Variants in NELL2 observed in about 807,000 individuals in gnomAD.
The protein encoded by NELL2 is protein kinase C-binding protein NELL2.
NELL2 carries 41 observed loss-of-function variants against 109.6 expected under a neutral mutation model. That is an observed-to-expected ratio of 0.37 (90% CI 0.29 to 0.49). The LOEUF (loss-of-function observed/expected upper bound fraction) is 0.49, where lower values mean the gene tolerates loss of function less well. Ranked by LOEUF, NELL2 falls within the 20% of genes least tolerant of loss-of-function variation. NELL2 has a pLI of 0.98. For missense variants in NELL2, 900 were observed against 1,008.3 expected (o/e 0.89, Z 1.45); for synonymous variants, 355 against 344.7 (o/e 1.03, Z -0.33).
intron 11 of NELL2, among the ~76,000 whole-genome samples, chr12:44,710,022 C>T (rs1362921031): frequency 6.6e-6 from 1 of 152,150 alleles, no homozygotes; most frequent in African/African-American, 2.4e-5. Flanking sequence ...CCTGAAAGCT[C>T]CTCGAAAGGC....
At chr12:44,534,068 T>A (rs1396955190) in intron 15 of NELL2, among the ~76,000 whole-genome samples, 2 of 152,108 alleles carry the variant, frequency 1.3e-5, no homozygotes, top group African/African-American at 4.8e-5. Flanking sequence ...CTACTTCAGT[T>A]GACAGAATCT....
At position 44,508,952 on chromosome 12, in the gene NELL2, C is replaced by G. The variant is rs775736399; in HGVS notation, c.2433G>C (p.Gln811His). ...NGHICCSVDP[Q>H]CLQEL ...GTTAACTTCACAGTTCCTGAAGGCA[C>G]TGTGGATCCACTGAGCAACAGATGT... The change falls in exon 20 of 20, where the codon CAG becomes CAC. Residue 811 changes from glutamine (Q) to histidine (H), a missense_variant. Gln to His is a conservative substitution (Grantham distance 24, BLOSUM62 0). Transcript: ENST00000429094. 6.2e-7 allele frequency: 1 copy of G among 1,612,878 alleles called. No homozygotes were observed.
At chr12:44,530,780 C>T (rs1942015896) in intron 16 of NELL2, among the ~76,000 whole-genome samples, 1 of 152,122 alleles carries the variant, frequency 6.6e-6, no homozygotes, top group Admixed American at 6.5e-5. Context: ...CCCCCCATTA[C>T]CACTACCACC....
At chr12:44,880,961 A>C (rs1247806725), upstream of NELL2, 1 of 151,988 alleles carries the variant, frequency 6.6e-6, no homozygotes, top group African/African-American at 2.4e-5. Flanking sequence ...CACTGCACTC[A>C]GACCAGCCAG....
chr12:44,528,112 A>AAAAAAAAAAAAAAAAAAAAAC (rs1941884712), intron 16 of NELL2, among the ~76,000 whole-genome samples: 1 of 148,924 alleles, frequency 6.7e-6, no homozygotes, highest in African/African-American at 2.5e-5. Flanking sequence ...AAAAAAAAAA[A>AAAAAAAAAAAAAAAAAAAAAC]AAAAAAAAAA....
chr12:44,721,589 C>T (rs1242572957), intron 9 of NELL2, among the ~76,000 whole-genome samples: 1 of 152,008 alleles, frequency 6.6e-6, no homozygotes, highest in Non-Finnish European at 1.5e-5. Flanking sequence ...AATACAGGAA[C>T]ATCGTCTTTG....
At chr12:44,784,698 C>T (rs1227719615) in intron 3 of NELL2, among the ~76,000 whole-genome samples, 1 of 152,168 alleles carries the variant, frequency 6.6e-6, no homozygotes, top group Non-Finnish European at 1.5e-5. Context: ...AAGTCGGCTT[C>T]ATCCCTGCGA....
chr12:44,686,801 G>A (rs537143163), intron 12 of NELL2, among the ~76,000 whole-genome samples: 48 of 152,274 alleles, frequency 3.2e-4, no homozygotes, highest in Admixed American at 9.8e-4. Context: ...TGCTGGGAGC[G>A]CCACTGCTCT....
intron 13 of NELL2, among the ~76,000 whole-genome samples, chr12:44,638,468 C>T (rs1946729775): frequency 6.6e-6 from 1 of 152,088 alleles, no homozygotes; most frequent in Admixed American, 6.6e-5. Flanking sequence ...ATAAAATGCA[C>T]AACACATAAT....
At position 44,725,742 on chromosome 12, in the gene NELL2, C is replaced by T. The variant is rs11182621; in HGVS notation, c.995-11001G>A. Among the ~76,000 whole-genome samples the T allele has an allele frequency of 7.9e-5, 12 of 152,104 alleles. No individual in the cohort carries two copies. In the South Asian group the frequency reaches 1.0e-3, roughly 13 times the overall value. ...GAGGCTCTTATCCTTAGCAAACTAACGCAGGAACAGAAAACCAAATACCAC... is the reference window on the plus strand; with the variant it reads ...GAGGCTCTTATCCTTAGCAAACTAATGCAGGAACAGAAAACCAAATACCAC... On this transcript the variant is annotated intron_variant, in intron 9 of 19. Coordinates refer to ENST00000429094, the MANE Select transcript of NELL2 (RefSeq NM_001145108.2).
Position 44,717,926 on chromosome 12 carries a change from G to A in NELL2, c.995-3185C>T, listed in dbSNP as rs370686225. 1.5e-4 allele frequency among the ~76,000 whole-genome samples: 23 copies of A among 152,292 alleles called. No individual in the cohort carries two copies. In the South Asian group the frequency reaches 4.6e-3, roughly 30 times the overall value. On this transcript the variant is annotated intron_variant, in intron 9 of 19. Coordinates refer to ENST00000429094, the MANE Select transcript of NELL2 (RefSeq NM_001145108.2). Reference sequence around the variant, plus strand: ...CCTGGGGGACAGAGGACAAAGAATGGAAATGGGAGTGTTGGGTGCCCAGGA... The same window carrying A: ...CCTGGGGGACAGAGGACAAAGAATGAAAATGGGAGTGTTGGGTGCCCAGGA...
intron 13 of NELL2, among the ~76,000 whole-genome samples, chr12:44,645,674 C>A (rs1947068495): frequency 6.6e-6 from 1 of 152,096 alleles, no homozygotes; most frequent in Admixed American, 6.6e-5. Context: ...TATTTCACAG[C>A]CAATCCTGTA....
intron 3 of NELL2, among the ~76,000 whole-genome samples, chr12:44,790,425 C>T (rs1212807334): frequency 6.6e-6 from 1 of 152,052 alleles, no homozygotes; most frequent in Non-Finnish European, 1.5e-5. Flanking sequence ...CCAAGAAATG[C>T]TGAGAGAATT....
At chr12:44,828,984 T>G (rs2136716441) in intron 2 of NELL2, among the ~76,000 whole-genome samples, 2 of 152,264 alleles carry the variant, frequency 1.3e-5, no homozygotes, top group Middle Eastern at 6.8e-3. Context: ...AATTGGCACT[T>G]GAGTTTATAA....
chr12:44,781,420 G>T (rs1194376546), intron 3 of NELL2, among the ~76,000 whole-genome samples: 1 of 152,004 alleles, frequency 6.6e-6, no homozygotes, highest in Non-Finnish European at 1.5e-5. Context: ...TCTAACATTT[G>T]TATCACTAGC....
Position 44,875,274 on chromosome 12 carries a change from C to T in NELL2, c.135G>A (p.Val45=), listed in dbSNP as rs139707640. 1.9e-5 allele frequency: 31 copies of T among 1,614,044 alleles called. No individual in the cohort carries two copies. Among genetic ancestry groups the T allele is most frequent in the Non-Finnish European group, 2.5e-5 (30 of 1,180,046 alleles). Reference sequence around the variant, plus strand: ...CATTATGCAGCCCCGGGACCTGACGCACTCCGGTCGTGGACTCCCCAAGTT... The same window carrying T: ...CATTATGCAGCCCCGGGACCTGACGTACTCCGGTCGTGGACTCCCCAAGTT... ...ELELGESTTG[V]RQVPGLHNGT... is the part of the protein sequence containing the mutation. Residue 45 remains valine (V), a synonymous_variant, in exon 2 of 20, where the codon GTG becomes GTA. Transcript: ENST00000429094.
intron 9 of NELL2, among the ~76,000 whole-genome samples, chr12:44,726,500 A>C (rs902727766): frequency 6.6e-6 from 1 of 152,102 alleles, no homozygotes; most frequent in Non-Finnish European, 1.5e-5. Context: ...AACCCTCAGA[A>C]CCATGGGTTA....
At chr12:44,914,680 A>G (rs947938695), upstream of NELL2, among the ~76,000 whole-genome samples, 1 of 152,208 alleles carries the variant, frequency 6.6e-6, no homozygotes. Context: ...CTTAACACAG[A>G]GTAGCTGCTC....
At chr12:44,744,312 G>A (rs1273060361) in intron 9 of NELL2, among the ~76,000 whole-genome samples, 1 of 151,356 alleles carries the variant, frequency 6.6e-6, no homozygotes, top group East Asian at 2.0e-4. Context: ...TGTGTAGAGG[G>A]AAATTTATAA....
Sources: gnomAD v4.1 joint callset for allele counts (sites outside exome capture counted in the v4.1 genomes callset) on GRCh38, gnomAD v4.1.1 for gene constraint, MANE v1.5 for transcripts, NCBI Gene and HGNC (gene_info 2026-07-23, HGNC 2026-07-21) for gene names.